The following RPN2 variants were observed in gnomAD, a reference collection of about 807,000 sequenced individuals.
The protein encoded by RPN2 is ribophorin II, also known as dolichyl-diphosphooligosaccharide--protein glycosyltransferase subunit 2.
RPN2 carries 29 observed loss-of-function variants against 71.4 expected under a neutral mutation model. The ratio of observed to expected loss-of-function variants is 0.41; its 90% confidence interval spans 0.30 to 0.55. RPN2 has a LOEUF of 0.55. RPN2 is among the 20% of genes least tolerant of loss of function. The probability of loss-of-function intolerance (pLI) is 0.35; values close to 1 mark genes in which losing one functional copy is unlikely to be tolerated. For synonymous variants in RPN2, 308 were observed against 305.0 expected, an observed-to-expected ratio of 1.01 and a Z score of -0.10; for missense variants, 726 against 774.1, an observed-to-expected ratio of 0.94 and a Z score of 0.74.
chr20:37,217,887 C>T (rs2067854915), intron 9 of RPN2, among the ~76,000 whole-genome samples: 1 of 152,078 alleles, frequency 6.6e-6, no homozygotes, highest in South Asian at 2.1e-4. Context: ...GTACACGCCA[C>T]CATGCCTGGC....
chr20:37,197,503 G>T (rs1381027144), intron 2 of RPN2, among the ~76,000 whole-genome samples: 1 of 152,158 alleles, frequency 6.6e-6, no homozygotes, highest in African/African-American at 2.4e-5. Flanking sequence ...AGTCAAGGAT[G>T]GTTCCCATGT....
chr20:37,196,764 A>G (rs896452139), intron 2 of RPN2, among the ~76,000 whole-genome samples: 26 of 152,170 alleles, frequency 1.7e-4, no homozygotes, highest in African/African-American at 6.0e-4. Context: ...TTGGCAGTCT[A>G]TTGATTTGAT....
chr20:37,236,486 T>C (rs1477210489), intron 15 of RPN2, 94 bp from the exon 16 acceptor site: 1 of 1,367,192 alleles, frequency 7.3e-7, no homozygotes, highest in East Asian at 2.3e-5. Context: ...TACAGACCTT[T>C]TCATGATCCA....
At chr20:37,223,709 T>G (rs2068012187) in intron 9 of RPN2, among the ~76,000 whole-genome samples, 169 bp from the exon 10 acceptor site, 1 of 152,012 alleles carries the variant, frequency 6.6e-6, no homozygotes, top group East Asian at 1.9e-4. Context: ...TGGGAGAGGT[T>G]GGAAATATTA....
intron 9 of RPN2, 130 bp from the exon 10 acceptor site, chr20:37,223,748 T>A (rs1405845928): frequency 1.3e-6 from 1 of 743,056 alleles, no homozygotes; most frequent in Non-Finnish European, 2.4e-6. Flanking sequence ...ATTATCATCC[T>A]TGAAGACTCT....
At position 37,218,334 on chromosome 20, in the gene RPN2, GC is replaced by G. The variant is rs958683598; in HGVS notation, c.1092+4472del. ...AGGCTGAGGCAAGCGGATCCCTTGA[GC>G]CCAGGAGTTTGAGGCTGCAGTGAAC... On this transcript the variant is annotated intron_variant, in intron 9 of 16. Coordinates refer to ENST00000237530, the MANE Select transcript of RPN2 (RefSeq NM_002951.5). Among the ~76,000 whole-genome samples, 3 of 61,614 alleles carry G rather than the reference GC, an allele frequency of 4.9e-5. No individual in the cohort carries two copies. In the Admixed American group the frequency reaches 5.0e-4, roughly 10 times the overall value. 40.4% of individuals were successfully genotyped at this position (61,614 alleles called of 152,430 possible).
chr20:37,199,468 G>A (rs535953224), intron 4 of RPN2, among the ~76,000 whole-genome samples: 32 of 152,364 alleles, frequency 2.1e-4, no homozygotes, highest in Admixed American at 1.5e-3. Context: ...CAAGCGCTGA[G>A]CCAGAGCATG....
At chr20:37,232,426 C>T (rs766050568) in intron 14 of RPN2, 35 bp downstream of exon 14, 31 of 1,611,618 alleles carry the variant, frequency 1.9e-5, no homozygotes, top group Non-Finnish European at 2.5e-5. Context: ...CAGCATGCGT[C>T]TGGCGCCAGA....
intron 13 of RPN2, 139 bp downstream of exon 13, chr20:37,230,198 A>G (rs2068201431): frequency 1.3e-6 from 1 of 759,332 alleles, no homozygotes; most frequent in South Asian, 1.4e-5. Context: ...GGCAGGGTAA[A>G]TGGCAGCCCC....
chr20:37,198,352 A>G, intron 2 of RPN2, 45 bp from the exon 3 acceptor site: 1 of 1,614,108 alleles, frequency 6.2e-7, no homozygotes. Context: ...TTCCTGGTTC[A>G]CTACATGTGT....
rs1568958345 is a variant in RPN2, at chr20:37,184,304, A to G, written c.138A>G (p.Thr46=). Residue 46 remains threonine (T), a synonymous_variant, in exon 2 of 17, where the codon ACA becomes ACG. Transcript: ENST00000237530. Reference sequence around the variant, plus strand: ...AAGCCTCGCTGGATCGCCCTTTCACAAATTTGGAATCTGCCTTCTACTCCA... The same window carrying G: ...AAGCCTCGCTGGATCGCCCTTTCACGAATTTGGAATCTGCCTTCTACTCCA... The part of the protein sequence containing the change: ...RLKASLDRPF[T]NLESAFYSIV... 3.1e-6 allele frequency: 5 copies of G among 1,614,016 alleles called. No individual in the cohort carries two copies. Among genetic ancestry groups the G allele is most frequent in the African/African-American group, 1.3e-5 (1 of 74,910 alleles).
intron 4 of RPN2, among the ~76,000 whole-genome samples, chr20:37,202,514 T>C (rs1600773331): frequency 6.6e-6 from 1 of 152,306 alleles, no homozygotes; most frequent in Non-Finnish European, 1.5e-5. Context: ...TAGGAAACCA[T>C]TCGGGGTGGA....
chr20:37,229,969 C>T lies in RPN2; in HGVS notation c.1495-4C>T. 5.6e-6 allele frequency: 9 copies of T among 1,612,464 alleles called. No homozygotes were observed. The highest frequency in any genetic ancestry group is 7.6e-6 in the Non-Finnish European group (9 of 1,178,520). On this transcript the variant is annotated splice_polypyrimidine_tract_variant and splice_region_variant and intron_variant, in intron 12 of 16. Coordinates refer to ENST00000237530, the MANE Select transcript of RPN2 (RefSeq NM_002951.5). ...GCTTTTACAGACTGTCCTTATTTTT[C>T]TAGGCTGATGTGGTCATCAAGTTCC...
intron 7 of RPN2, 107 bp downstream of exon 7, chr20:37,207,556 T>C: frequency 1.9e-6 from 2 of 1,066,682 alleles, no homozygotes; most frequent in Non-Finnish European, 2.9e-6. Flanking sequence ...TACAAGGACA[T>C]ACCCATTAAA....
At chr20:37,216,342 AAAAT>A (rs772556585) in intron 9 of RPN2, among the ~76,000 whole-genome samples, 30 of 152,342 alleles carry the variant, frequency 2.0e-4, no homozygotes, top group Non-Finnish European at 2.6e-4. Context: ...CTGTCTCAAA[AAAAT>A]AAATAAATAA....
At chr20:37,179,850 C>G (rs901806960) in intron 1 of RPN2, among the ~76,000 whole-genome samples, 2 of 152,224 alleles carry the variant, frequency 1.3e-5, no homozygotes, top group African/African-American at 2.4e-5. Context: ...AAGTGACACT[C>G]TAGGTGCAAA....
chr20:37,240,249 C>T (rs1276500086), intron 16 of RPN2, among the ~76,000 whole-genome samples: 4 of 152,164 alleles, frequency 2.6e-5, no homozygotes, highest in African/African-American at 7.2e-5. Context: ...AAGTTCTAGC[C>T]GCAGTCAAGA....
At chr20:37,208,490 G>C (rs1181433826) in intron 7 of RPN2, among the ~76,000 whole-genome samples, 1 of 152,108 alleles carries the variant, frequency 6.6e-6, no homozygotes, top group Non-Finnish European at 1.5e-5. Flanking sequence ...GCCCACTGCA[G>C]CGTAGGCTTC....
At chr20:37,229,925 C>T in intron 12 of RPN2, 48 bp from the exon 13 acceptor site, 5 of 1,374,552 alleles carry the variant, frequency 3.6e-6, no homozygotes, top group Non-Finnish European at 4.2e-6. Flanking sequence ...TTGAGTTTCA[C>T]CCACTTCTCT....
Sources: gnomAD v4.1 joint callset for allele counts (sites outside exome capture counted in the v4.1 genomes callset) on GRCh38, gnomAD v4.1.1 for gene constraint, MANE v1.5 for transcripts, NCBI Gene and HGNC (gene_info 2026-07-23, HGNC 2026-07-21) for gene names.